INTS6L: variants seen among roughly 807,000 people sequenced by gnomAD.
The protein encoded by INTS6L is integrator complex subunit 6 like.
In INTS6L, 18 loss-of-function variants were observed where a neutral mutation model predicts 64.7. That is an observed-to-expected ratio of 0.28 (90% CI 0.19 to 0.41). The LOEUF (loss-of-function observed/expected upper bound fraction) is 0.41, where lower values mean the gene tolerates loss of function less well. Among genes scored for constraint, INTS6L ranks in the 10% least tolerant of loss-of-function variants. The pLI is 1.00. For synonymous variants in INTS6L, 227 were observed against 235.9 expected (o/e 0.96, Z 0.34); for missense variants, 533 against 661.0 (o/e 0.81, Z 2.12).
At chrX:135,526,110 C>T (rs1221091208) in intron 2 of INTS6L, among the ~76,000 whole-genome samples, 3 of 111,624 alleles carry the variant, frequency 2.7e-5, no homozygotes, top group Non-Finnish European at 5.6e-5. Context: ...CAACCTCTCT[C>T]GTATCCATTC....
chrX:135,577,309 G>A lies in INTS6L; in HGVS notation c.2001G>A (p.Leu667=), dbSNP rs2087255551. The change falls in exon 15 of 18, where the codon CTG becomes CTA. Residue 667 remains leucine, a synonymous_variant. Coordinates refer to ENST00000639893, the MANE Select transcript of INTS6L (RefSeq NM_001351601.3). ...SSKRRRSMSL[L]LRKPQTPPTV... is the part of the protein sequence containing the mutation. Reference sequence around the variant, plus strand: ...AGAGAAGGCGGAGTATGTCCCTGCTGTTGAGGAAACCACAAACACCACCTA... The same window carrying A: ...AGAGAAGGCGGAGTATGTCCCTGCTATTGAGGAAACCACAAACACCACCTA... The A allele has an allele frequency of 5.0e-6, 6 of 1,211,698 alleles. No individual in the cohort carries two copies. Among genetic ancestry groups the A allele is most frequent in the Non-Finnish European group, 5.6e-6 (5 of 895,523 alleles).
In INTS6L at chrX:135,527,079, A is replaced by T. The variant is rs5930727; in HGVS notation, c.189+5761A>T. Among the ~76,000 whole-genome samples, 292 of 111,731 alleles carry T rather than the reference A, an allele frequency of 2.6e-3. 2 individuals are homozygous for T. Among genetic ancestry groups the T allele is most frequent in the Non-Finnish European group, 4.9e-3 (259 of 53,173 alleles). On this transcript the variant is annotated intron_variant, in intron 2 of 17. Coordinates refer to ENST00000639893, the MANE Select transcript of INTS6L (RefSeq NM_001351601.3). ...TACATGAATCCTAATGACTTGATGC[A>T]TTTTTATATTTATACATTCATGTAA...
At chrX:135,534,682 C>CT (rs1293328959) in intron 2 of INTS6L, among the ~76,000 whole-genome samples, 6,063 of 92,030 alleles carry the variant, frequency 0.066, 385 homozygotes, top group African/African-American at 0.17. Context: ...TTTTTCTTTT[C>CT]TTTTTTTTTT....
At chrX:135,528,902 T>G (rs1257574984) in intron 2 of INTS6L, among the ~76,000 whole-genome samples, 1 of 76,253 alleles carries the variant, frequency 1.3e-5, no homozygotes, top group Non-Finnish European at 2.2e-5. Context: ...AAAGACTCAT[T>G]TGTGCATGAA....
intron 2 of INTS6L, 143 bp downstream of exon 2, chrX:135,521,461 G>A (rs2085552210): frequency 1.7e-6 from 1 of 574,612 alleles, no homozygotes; most frequent in Admixed American, 4.4e-5. Flanking sequence ...CGGGCGGAGT[G>A]GTGCCGTCGG....
At chrX:135,573,063 G>A (rs1484156354) in intron 12 of INTS6L, 30 bp downstream of exon 12, 1 of 1,091,145 alleles carries the variant, frequency 9.2e-7, no homozygotes, top group Non-Finnish European at 1.3e-6. Context: ...GTTTGTATTT[G>A]TTTGAACTTG....
chrX:135,550,860 G>A (rs1556516785), intron 7 of INTS6L, among the ~76,000 whole-genome samples: 1 of 111,443 alleles, frequency 9.0e-6, no homozygotes, highest in Non-Finnish European at 1.9e-5. Context: ...AGGCTTTATG[G>A]CAAATTTACT....
chrX:135,576,928 T>C (rs1225347340), intron 14 of INTS6L, among the ~76,000 whole-genome samples: 1 of 112,229 alleles, frequency 8.9e-6, no homozygotes, highest in African/African-American at 3.2e-5. Context: ...TGTATGTTAG[T>C]TTCCTCCTTG....
chrX:135,570,579 C>A lies in INTS6L; in HGVS notation c.1398+33C>A, dbSNP rs782061610. 1.6e-4 allele frequency: 179 copies of A among 1,145,478 alleles called. 1 individual carries two copies. Among genetic ancestry groups the A allele is most frequent in the Middle Eastern group, 4.7e-4 (2 of 4,248 alleles). The allele number at this position is 1,145,478 out of a possible 1,213,427, so 94.4% of individuals were successfully genotyped here. On this transcript the variant is annotated intron_variant, in intron 11 of 17. Coordinates refer to ENST00000639893, the MANE Select transcript of INTS6L (RefSeq NM_001351601.3). ...TGGTAAAAACAAACAAACAAAAATC[C>A]TTTGCCCTCAGAAGTGCATTTCCTT...
chrX:135,553,991 A>G (rs2086575924), intron 8 of INTS6L, among the ~76,000 whole-genome samples: 1 of 111,522 alleles, frequency 9.0e-6, no homozygotes, highest in Non-Finnish European at 1.9e-5. Flanking sequence ...AGTATTCTTA[A>G]TGTGATGAAT....
At chrX:135,578,614 G>A in intron 15 of INTS6L, among the ~76,000 whole-genome samples, 1 of 111,343 alleles carries the variant, frequency 9.0e-6, no homozygotes, top group East Asian at 2.9e-4. Context: ...TTTACCCAGC[G>A]GTTCAGCTGA....
intron 2 of INTS6L, among the ~76,000 whole-genome samples, chrX:135,538,946 A>T (rs1382495725): frequency 1.8e-5 from 2 of 112,332 alleles, no homozygotes; most frequent in Non-Finnish European, 3.8e-5. Flanking sequence ...CTGTAAACAG[A>T]TGTGCTGTCA....
rs782240799 is a variant in INTS6L at position 135,575,075 on chromosome X, A to G, written c.1742-9A>G. 1.6e-5 allele frequency: 19 copies of G among 1,207,867 alleles called. No homozygotes were observed. Among genetic ancestry groups the G allele is most frequent in the Non-Finnish European group, 2.1e-5 (19 of 894,203 alleles). ...ATAAGCATCAATTTCTTTTCCTGTG[A>G]TTTTGCAGATTCCCTTCATAGTGTT... On this transcript the variant is annotated splice_polypyrimidine_tract_variant and intron_variant, in intron 13 of 17. Coordinates refer to ENST00000639893, the MANE Select transcript of INTS6L (RefSeq NM_001351601.3).
At chrX:135,522,907 G>A (rs2085625229) in intron 2 of INTS6L, among the ~76,000 whole-genome samples, 1 of 112,174 alleles carries the variant, frequency 8.9e-6, no homozygotes, top group Non-Finnish European at 1.9e-5. Context: ...AAAAGGATGT[G>A]ATCATTTTTT....
rs1230133979 is a variant in INTS6L at position 135,551,856 on chromosome X, A to G, written c.907-138A>G. ...ATTGGTGGTTCCTAGAGATCTAGTA[A>G]TCTTCTTTCTCAAAATGCTAGTCTG... On this transcript the variant is annotated intron_variant, in intron 7 of 17. Transcript: ENST00000639893. The G allele has an allele frequency of 5.6e-6, 3 of 535,404 alleles. No individual in the cohort carries two copies. The African/African-American group carries it at 7.2e-5, about 13-fold the overall frequency. The allele number at this position is 535,404 out of a possible 1,213,427, so 44.1% of individuals were successfully genotyped here. A position where few individuals can be genotyped will look rare whatever the true frequency, so the allele number is the denominator to read the frequency against.
chrX:135,522,995 C>T (rs1302431109), intron 2 of INTS6L, among the ~76,000 whole-genome samples: 1 of 111,869 alleles, frequency 8.9e-6, no homozygotes, highest in African/African-American at 3.3e-5. Flanking sequence ...AGATAAGAAC[C>T]GACCATTTGT....
intron 2 of INTS6L, among the ~76,000 whole-genome samples, chrX:135,538,402 G>T (rs1602855010): frequency 8.9e-6 from 1 of 112,346 alleles, no homozygotes; most frequent in African/African-American, 3.2e-5. Context: ...AAGCAATTCA[G>T]TCACATCCTT....
chrX:135,561,159 G>A (rs782168142), intron 9 of INTS6L, among the ~76,000 whole-genome samples: 2 of 109,570 alleles, frequency 1.8e-5, no homozygotes, highest in South Asian at 8.0e-4. Context: ...CACCATGTTG[G>A]GCAAGCTGAT....
At chrX:135,579,208 G>A (rs989058702) in intron 15 of INTS6L, among the ~76,000 whole-genome samples, 7 of 112,063 alleles carry the variant, frequency 6.2e-5, no homozygotes, top group African/African-American at 2.3e-4. Context: ...TGCCACAGAC[G>A]ATGAATAAAT....
Sources: gnomAD v4.1 joint callset for allele counts (sites outside exome capture counted in the v4.1 genomes callset) on GRCh38, gnomAD v4.1.1 for gene constraint, MANE v1.5 for transcripts, NCBI Gene and HGNC (gene_info 2026-07-23, HGNC 2026-07-21) for gene names.